Variants in ZSCAN32 observed in about 807,000 individuals in gnomAD.
ZSCAN32 encodes zinc finger and SCAN domain-containing protein 32.
A neutral mutation model predicts 47.4 loss-of-function variants in ZSCAN32; 52 were observed. The observed-to-expected ratio is 1.10, with a 90% CI of 0.88 to 1.38. The LOEUF (loss-of-function observed/expected upper bound fraction) is 1.38. Ranked by LOEUF, ZSCAN32 falls within the 40% of genes most tolerant of loss-of-function variation. ZSCAN32 has a pLI of 0.00. For synonymous variants in ZSCAN32, 346 were observed against 305.7 expected (o/e 1.13, Z -1.38); for missense variants, 959 against 846.0 (o/e 1.13, Z -1.66).
intron 5 of ZSCAN32, among the ~76,000 whole-genome samples, 169 bp downstream of exon 5, chr16:3,389,841 G>T (rs1037131980): frequency 6.6e-6 from 1 of 152,020 alleles, no homozygotes; most frequent in Non-Finnish European, 1.5e-5. Flanking sequence ...CCTTTCTTTT[G>T]ATCTCTGCCT....
rs570551283 is a variant in ZSCAN32 at position 3,385,580 on chromosome 16, T to C, written c.752-639A>G. ...TACAGTAACCAAAACAGCATGGTAC[T>C]GGTACAAAAACAGAGAAATAGACCA... On this transcript the variant is annotated intron_variant, in intron 5 of 6. Transcript: ENST00000396852. Among the ~76,000 whole-genome samples, 6 of 152,324 alleles carry C rather than the reference T, an allele frequency of 3.9e-5. No homozygotes were observed. In the South Asian group the frequency reaches 1.2e-3, roughly 32 times the overall value.
At chr16:3,394,684 C>T (rs1015048034) in intron 2 of ZSCAN32, among the ~76,000 whole-genome samples, 11 of 152,172 alleles carry the variant, frequency 7.2e-5, no homozygotes, top group Non-Finnish European at 1.3e-4. Flanking sequence ...ATCCAGACTC[C>T]TCTTTGCAGC....
chr16:3,382,566 C>T lies in ZSCAN32; in HGVS notation c.*286G>A, dbSNP rs2031344322. 2 of 275,500 alleles carry T rather than the reference C, an allele frequency of 7.3e-6. No homozygotes were observed. The highest frequency in any genetic ancestry group is 1.3e-5 in the Non-Finnish European group (2 of 148,466). 17.1% of individuals were successfully genotyped at this position (275,500 alleles called of 1,614,324 possible). A position where few individuals can be genotyped will look rare whatever the true frequency, so the allele number is the denominator to read the frequency against. On this transcript the variant is annotated 3_prime_UTR_variant, in exon 7 of 7. Coordinates refer to ENST00000396852, the MANE Select transcript of ZSCAN32 (RefSeq NM_001284527.2). ...GTTCTTGGACCACTGGGTGCCCATT[C>T]TCAGTGCTAGGAACAGGAAGACCCT...
At chr16:3,383,766 G>A (rs980656528) in intron 6 of ZSCAN32, 55 bp from the exon 7 acceptor site, 31 of 1,505,998 alleles carry the variant, frequency 2.1e-5, no homozygotes, top group Non-Finnish European at 2.6e-5. Context: ...GGAAAACAAT[G>A]GAATGCAAAG....
At chr16:3,392,295 T>C (rs1442359670) in intron 3 of ZSCAN32, among the ~76,000 whole-genome samples, 1 of 152,168 alleles carries the variant, frequency 6.6e-6, no homozygotes, top group African/African-American at 2.4e-5. Flanking sequence ...TGCATAACAC[T>C]GTGAATGTAC....
chr16:3,384,671 GA>G lies in ZSCAN32; in HGVS notation c.1021del (p.Ser341ProfsTer26). The G allele has an allele frequency of 6.2e-7, 1 of 1,614,146 alleles. No individual in the cohort carries two copies. The highest frequency in any genetic ancestry group is 8.5e-7 in the Non-Finnish European group (1 of 1,180,032). ...FYEEMNALSG[S>X]WASAPPMASD... ...TGCCATAGGAGGTGCAGAGGCCCAG[GA>G]GCCTGAAAGAGCATTCATTTCCTCA... is the stretch of plus-strand genomic sequence containing the variant. On this transcript the variant is annotated frameshift_variant, in exon 6 of 7. Transcript: ENST00000396852. LOFTEE classifies it high-confidence loss of function.
Position 3,397,465 on chromosome 16 carries a change from AGGGCTGTTACCCTGGAGG to A in ZSCAN32, c.75_92del (p.Leu26_Pro31del). ...AGCGCTGACGGGAGGCCTCGGAGTC[AGGGCTGTTACCCTGGAGG>A]GCTGATTTCTGGCCCTGTGTGGGAT... On this transcript the variant is annotated inframe_deletion, in exon 2 of 7. Coordinates refer to ENST00000396852, the MANE Select transcript of ZSCAN32 (RefSeq NM_001284527.2). 6.4e-7 allele frequency: 1 copy of A among 1,550,752 alleles called. No homozygotes were observed.
At chr16:3,393,920 G>A (rs969076742) in intron 2 of ZSCAN32, 106 bp from the exon 3 acceptor site, 15 of 1,005,222 alleles carry the variant, frequency 1.5e-5, no homozygotes, top group Non-Finnish European at 8.3e-6. Flanking sequence ...AAGCAGAAGA[G>A]AAAAATCTAG....
intron 1 of ZSCAN32, among the ~76,000 whole-genome samples, chr16:3,399,109 G>C (rs1249728646): frequency 6.6e-6 from 1 of 152,190 alleles, no homozygotes; most frequent in Non-Finnish European, 1.5e-5. Context: ...TGTAGTCGCA[G>C]CTACTCGGGA....
At chr16:3,396,343 A>G (rs2033368686) in intron 2 of ZSCAN32, among the ~76,000 whole-genome samples, 2 of 152,066 alleles carry the variant, frequency 1.3e-5, no homozygotes, top group African/African-American at 2.4e-5. Flanking sequence ...TTTCATCTAT[A>G]TCCCCCTTCA....
At chr16:3,398,304 CTCT>C (rs1401860766) in intron 1 of ZSCAN32, among the ~76,000 whole-genome samples, 1 of 152,100 alleles carries the variant, frequency 6.6e-6, no homozygotes, top group Non-Finnish European at 1.5e-5. Context: ...CCAGGGACTC[CTCT>C]GTGGCTCCCA....
intron 3 of ZSCAN32, among the ~76,000 whole-genome samples, chr16:3,392,308 A>G (rs1242421510): frequency 2.0e-5 from 3 of 152,152 alleles, no homozygotes; most frequent in Non-Finnish European, 4.4e-5. Context: ...GAATGTACTA[A>G]GCATAACTGA....
At position 3,397,598 on chromosome 16, in the gene ZSCAN32, C is replaced by A. The variant is rs2033499319; in HGVS notation, c.-41G>T. 1 of 1,474,590 alleles carries A rather than the reference C, an allele frequency of 6.8e-7. No homozygotes were observed. Among genetic ancestry groups the A allele is most frequent in the African/African-American group, 1.4e-5 (1 of 70,720 alleles). The allele number at this position is 1,474,590 out of a possible 1,614,324, so 91.3% of individuals were successfully genotyped here. A position where few individuals can be genotyped will look rare whatever the true frequency, so the allele number is the denominator to read the frequency against. Reference sequence around the variant, plus strand: ...GGCTTACTCTGGTTGCCACTTCTACCCTGGAGATCAGAGTCCATCTTTCCC... The same window carrying A: ...GGCTTACTCTGGTTGCCACTTCTACACTGGAGATCAGAGTCCATCTTTCCC... On this transcript the variant is annotated 5_prime_UTR_variant, in exon 2 of 7. Transcript: ENST00000396852.
Position 3,393,216 on chromosome 16 carries a change from A to G in ZSCAN32, c.532+433T>C. ...TATATATATATTTATATTTATATAT[A>G]TATATATATATAAATTTATATATTT... On this transcript the variant is annotated intron_variant, in intron 3 of 6. Coordinates refer to ENST00000396852, the MANE Select transcript of ZSCAN32 (RefSeq NM_001284527.2). Among the ~76,000 whole-genome samples, 2 of 25,646 alleles carry G rather than the reference A, an allele frequency of 7.8e-5. 1 individual carries two copies. Among genetic ancestry groups the G allele is most frequent in the Non-Finnish European group, 1.2e-4 (2 of 16,012 alleles). The allele number at this position is 25,646 out of a possible 152,430, so 16.8% of individuals were successfully genotyped here. A position where few individuals can be genotyped will look rare whatever the true frequency, so the allele number is the denominator to read the frequency against.
chr16:3,383,503 C>T lies in ZSCAN32; in HGVS notation c.1443G>A (p.Lys481=), dbSNP rs769994803. Residue 481 remains lysine (K), a synonymous_variant, in exon 7 of 7, where the codon AAG becomes AAA. Coordinates refer to ENST00000396852, the MANE Select transcript of ZSCAN32 (RefSeq NM_001284527.2). ...TGGCACAAAAACTCTGGTGACTCAT[C>T]TTCTCCTGGGATGGGGTTTTCTCCT... ...ESEEKTPSQE[K]MSHQSFCARD... 3 of 1,614,072 alleles carry T rather than the reference C, an allele frequency of 1.9e-6. No homozygotes were observed. The highest frequency in any genetic ancestry group is 2.5e-6 in the Non-Finnish European group (3 of 1,179,972).
At chr16:3,393,946 T>C (rs1350083206) in intron 2 of ZSCAN32, 132 bp from the exon 3 acceptor site, 2 of 691,326 alleles carry the variant, frequency 2.9e-6, no homozygotes, top group Non-Finnish European at 4.4e-6. Context: ...ACTGTATTGC[T>C]GCTGTAATAA....
chr16:3,397,343 G>C lies in ZSCAN32; in HGVS notation c.215C>G (p.Ser72Ter), dbSNP rs367962404. The change falls in exon 2 of 7, where the codon TCA becomes TGA. Residue 72 changes from serine to a stop codon, truncating the protein, a stop_gained. Coordinates refer to ENST00000396852, the MANE Select transcript of ZSCAN32 (RefSeq NM_001284527.2). LOFTEE classifies it high-confidence loss of function. ...CCQWLRPKTHSKEEILELLVL... is the reference protein window; with the variant it reads ...CCQWLRPKTH Reference sequence around the variant, plus strand: ...CAGCAGCTCCAGGATTTCCTCTTTTGAGTGGGTCTTCGGCCTCAGCCACTG... The same window carrying C: ...CAGCAGCTCCAGGATTTCCTCTTTTCAGTGGGTCTTCGGCCTCAGCCACTG... The C allele has an allele frequency of 2.4e-5, 37 of 1,561,984 alleles. No individual in the cohort carries two copies. The East Asian group carries it at 3.3e-4, about 14-fold the overall frequency.
intron 2 of ZSCAN32, among the ~76,000 whole-genome samples, 168 bp from the exon 3 acceptor site, chr16:3,393,982 T>G (rs915417386): frequency 1.3e-5 from 2 of 152,034 alleles, no homozygotes; most frequent in Non-Finnish European, 1.5e-5. Context: ...AATTAGGTAT[T>G]TGAGGGGCAG....
chr16:3,384,105 G>C, intron 6 of ZSCAN32: 1 of 500,142 alleles, frequency 2.0e-6, no homozygotes, highest in Non-Finnish European at 3.5e-6. Flanking sequence ...AAAGCAAGGT[G>C]CTAAGTACCC....
Sources: gnomAD v4.1 joint callset for allele counts (sites outside exome capture counted in the v4.1 genomes callset) on GRCh38, gnomAD v4.1.1 for gene constraint, MANE v1.5 for transcripts, NCBI Gene and HGNC (gene_info 2026-07-23, HGNC 2026-07-21) for gene names.